PRKDC: variants seen among roughly 807,000 people sequenced by gnomAD.
The protein encoded by PRKDC is DNA-dependent protein kinase catalytic subunit.
Under a neutral mutation model 486.9 loss-of-function variants are expected in PRKDC, and 82 were observed. The observed-to-expected ratio is 0.17, with a 90% confidence interval of 0.14 to 0.20. The LOEUF is 0.20. Among genes scored for constraint, PRKDC ranks in the 10% least tolerant of loss-of-function variants. PRKDC has a pLI of 1.00. For synonymous variants in PRKDC, 1,895 were observed against 1,837.0 expected (o/e 1.03, Z -0.81); for missense variants, 4,504 against 5,038.2 (o/e 0.89, Z 3.21).
rs2088625422 is a variant in PRKDC at position 47,859,594 on chromosome 8, A to G, written c.6207+17T>C. On this transcript the variant is annotated intron_variant, in intron 46 of 85. Coordinates refer to ENST00000314191, the MANE Select transcript of PRKDC (RefSeq NM_006904.7). The stretch of plus-strand genomic sequence containing the variant: ...CAAACATCGACAATATTCTTTTAGT[A>G]TGTGAAATGTGATCACCCGTCTCCG... The G allele has an allele frequency of 6.2e-7, 1 of 1,608,512 alleles. No homozygotes were observed. The highest frequency in any genetic ancestry group is 1.7e-5 in the Admixed American group (1 of 59,486).
intron 11 of PRKDC, among the ~76,000 whole-genome samples, chr8:47,937,313 A>T (rs1486338987): frequency 6.6e-6 from 1 of 152,214 alleles, no homozygotes; most frequent in East Asian, 1.9e-4. Flanking sequence ...TTTGTATAAT[A>T]ATCTGTAACC....
intron 54 of PRKDC, among the ~76,000 whole-genome samples, chr8:47,845,311 A>G (rs1215931852): frequency 1.3e-5 from 2 of 151,914 alleles, no homozygotes; most frequent in East Asian, 3.9e-4. Context: ...TGAAATTGTG[A>G]TCCAAAAATC....
intron 68 of PRKDC, among the ~76,000 whole-genome samples, chr8:47,809,664 T>C (rs907551266): frequency 6.6e-6 from 1 of 152,176 alleles, no homozygotes; most frequent in Non-Finnish European, 1.5e-5. Context: ...GAACCATCTT[T>C]TCTAAAAACA....
At chr8:47,906,397 G>T (rs1370640634) in intron 25 of PRKDC, among the ~76,000 whole-genome samples, 1 of 148,292 alleles carries the variant, frequency 6.7e-6, no homozygotes, top group Non-Finnish European at 1.5e-5. Context: ...ACTTTGGGAG[G>T]CTGAGGAGGG....
At chr8:47,856,429 C>T (rs981532868) in intron 49 of PRKDC, among the ~76,000 whole-genome samples, 3 of 152,090 alleles carry the variant, frequency 2.0e-5, no homozygotes, top group African/African-American at 7.2e-5. Context: ...AAGGTTTCAC[C>T]ATGTTGGCCA....
chr8:47,877,959 A>C (rs1050372486), intron 39 of PRKDC, 108 bp from the exon 40 acceptor site: 1 of 801,554 alleles, frequency 1.2e-6, no homozygotes, highest in Admixed American at 4.2e-5. Flanking sequence ...AATAAAAAAT[A>C]TAACATACAG....
intron 85 of PRKDC, among the ~76,000 whole-genome samples, chr8:47,775,774 G>T (rs1422072865): frequency 6.6e-6 from 1 of 151,362 alleles, no homozygotes; most frequent in Non-Finnish European, 1.5e-5. Flanking sequence ...CCTAAAAAAT[G>T]GCAAGTATCA....
At chr8:47,825,105 C>A (rs902175900) in intron 63 of PRKDC, among the ~76,000 whole-genome samples, 5 of 152,058 alleles carry the variant, frequency 3.3e-5, no homozygotes, top group Non-Finnish European at 7.4e-5. Flanking sequence ...GCTCATGGCC[C>A]CAGAGTCAGG....
At position 47,930,685 on chromosome 8, in the gene PRKDC, C is replaced by G. The variant is rs1351701981; in HGVS notation, c.1879G>C (p.Val627Leu). ...PKDFSAFINL[V>L]EFCREILPEK... Reference sequence around the variant, plus strand: ...TTTACCAAATACCTGCAAAATTCCACCAGGTTAATGAAAGCCGAAAAATCT... The same window carrying G: ...TTTACCAAATACCTGCAAAATTCCAGCAGGTTAATGAAAGCCGAAAAATCT... Residue 627 changes from valine (V) to leucine (L), a missense_variant, in exon 17 of 86, where the codon GTG (valine) becomes CTG (leucine). Physicochemically the swap from Val to Leu is conservative, Grantham distance 32 (BLOSUM62 1). This residue lies in a region of PRKDC where 1,969 missense variants were observed against 2,068.9 expected (regional missense o/e 0.95). Transcript: ENST00000314191. 1.3e-6 allele frequency: 2 copies of G among 1,570,110 alleles called. No individual in the cohort carries two copies. Among genetic ancestry groups the G allele is most frequent in the Non-Finnish European group, 1.7e-6 (2 of 1,157,584 alleles).
At chr8:47,920,144 CAAT>C (rs1353935469) in intron 21 of PRKDC, among the ~76,000 whole-genome samples, 1 of 152,202 alleles carries the variant, frequency 6.6e-6, no homozygotes, top group East Asian at 1.9e-4. Flanking sequence ...GGCTTGCTGT[CAAT>C]AAATATGTGG....
intron 71 of PRKDC, among the ~76,000 whole-genome samples, chr8:47,800,069 A>C (rs1292949089): frequency 6.6e-6 from 1 of 152,226 alleles, no homozygotes; most frequent in Non-Finnish European, 1.5e-5. Context: ...TCAATTTTCC[A>C]CATAAGAAAA....
At chr8:47,775,573 A>G (rs2086594009) in intron 85 of PRKDC, among the ~76,000 whole-genome samples, 1 of 151,398 alleles carries the variant, frequency 6.6e-6, no homozygotes, top group Non-Finnish European at 1.5e-5. Context: ...TCTACCTATT[A>G]TTAGGCAATA....
chr8:47,881,345 A>G, intron 38 of PRKDC, 71 bp downstream of exon 38: 1 of 966,436 alleles, frequency 1.0e-6, no homozygotes, highest in Non-Finnish European at 1.6e-6. Context: ...AAAAAATAAA[A>G]AACATCACAA....
intron 22 of PRKDC, among the ~76,000 whole-genome samples, chr8:47,915,943 T>C (rs1288582650): frequency 6.6e-6 from 1 of 152,236 alleles, no homozygotes; most frequent in Non-Finnish European, 1.5e-5. Context: ...TCTGAATTCT[T>C]ATCATGAACT....
intron 20 of PRKDC, 117 bp downstream of exon 20, chr8:47,927,654 G>C (rs933145299): frequency 2.3e-6 from 3 of 1,290,278 alleles, no homozygotes; most frequent in Non-Finnish European, 3.1e-6. Context: ...ACCCTGACCC[G>C]GGCACGCCTG....
At position 47,847,489 on chromosome 8, in the gene PRKDC, A is replaced by G. The variant is rs1259580705; in HGVS notation, c.7280+1665T>C. 2.6e-5 allele frequency among the ~76,000 whole-genome samples: 4 copies of G among 152,340 alleles called. No individual in the cohort carries two copies. The East Asian group carries it at 7.7e-4, about 29-fold the overall frequency. On this transcript the variant is annotated intron_variant, in intron 54 of 85. Coordinates refer to ENST00000314191, the MANE Select transcript of PRKDC (RefSeq NM_006904.7). ...GAGCCCTGCCTATCACCACATAAAA[A>G]AATTAAGATGGATTACAGACTTCAA...
At chr8:47,856,669 CTGCATT>C (rs1213751229) in intron 49 of PRKDC, among the ~76,000 whole-genome samples, 1 of 152,234 alleles carries the variant, frequency 6.6e-6, no homozygotes, top group East Asian at 1.9e-4. Context: ...CTGGTGGGTA[CTGCATT>C]TGCCTCAACA....
intron 68 of PRKDC, among the ~76,000 whole-genome samples, chr8:47,809,804 C>T (rs939645038): frequency 3.3e-5 from 5 of 152,118 alleles, no homozygotes; most frequent in Non-Finnish European, 7.3e-5. Context: ...TGTATGTATG[C>T]GCAGGGAAAT....
At chr8:47,921,285 A>G (rs1286390599) in intron 21 of PRKDC, among the ~76,000 whole-genome samples, 1 of 152,100 alleles carries the variant, frequency 6.6e-6, no homozygotes, top group Non-Finnish European at 1.5e-5. Context: ...TGAAAAATGT[A>G]ATAAGTTTAT....
Sources: gnomAD v4.1 joint callset for allele counts (sites outside exome capture counted in the v4.1 genomes callset) on GRCh38, gnomAD v4.1.1 for gene constraint, gnomAD v4.1.1 regional missense constraint, MANE v1.5 for transcripts, NCBI Gene and HGNC (gene_info 2026-07-23, HGNC 2026-07-21) for gene names.